The following ATOSA variants were observed in gnomAD, a reference collection of about 807,000 sequenced individuals.
The protein encoded by ATOSA is atos homolog protein A.
the ATOSA span, among the ~76,000 whole-genome samples, chr15:52,661,931 CA>C: frequency 1.4e-3 from 100 of 73,254 alleles, no homozygotes; most frequent in African/African-American, 5.1e-3. Context: ...CAAGCCAGGC[CA>C]AAAAAAAAAA....
At chr15:52,687,049 A>T in the ATOSA span, among the ~76,000 whole-genome samples, 1 of 152,206 alleles carries the variant, frequency 6.6e-6, no homozygotes. Flanking sequence ...AGATACAGAG[A>T]CTAGAAAAGC....
At chr15:52,654,202 A>G in the ATOSA span, among the ~76,000 whole-genome samples, 2 of 152,176 alleles carry the variant, frequency 1.3e-5, no homozygotes, top group African/African-American at 2.4e-5. Context: ...CAGAAAAAAC[A>G]TTAAATGTAT....
At chr15:52,685,698 G>A in the ATOSA span, among the ~76,000 whole-genome samples, 4 of 152,090 alleles carry the variant, frequency 2.6e-5, no homozygotes, top group Middle Eastern at 3.4e-3. Context: ...GCCTCGCAAA[G>A]TGCTGGGATT....
chr15:52,682,852 C>G, the ATOSA span, among the ~76,000 whole-genome samples: 38 of 152,178 alleles, frequency 2.5e-4, no homozygotes, highest in Non-Finnish European at 4.4e-5. Flanking sequence ...AAATTCAGTA[C>G]AGTTAATTTC....
At chr15:52,611,260 G>C in the ATOSA span, 1 of 1,609,730 alleles carries the variant, frequency 6.2e-7, no homozygotes, top group South Asian at 1.1e-5. Flanking sequence ...CCATTCCTAA[G>C]GAAGTAACAA....
chr15:52,584,238 G>A, the ATOSA span, among the ~76,000 whole-genome samples: 7 of 147,366 alleles, frequency 4.8e-5, no homozygotes, highest in African/African-American at 1.0e-4. Context: ...TCCACCTCCC[G>A]GGTTCAAGCA....
the ATOSA span, chr15:52,598,759 C>A: frequency 6.6e-6 from 1 of 152,018 alleles, no homozygotes; most frequent in Non-Finnish European, 1.5e-5. Context: ...GCATATTGTC[C>A]CCTTCAAATC....
the ATOSA span, chr15:52,587,250 A>G: frequency 6.3e-7 from 1 of 1,583,116 alleles, no homozygotes; most frequent in South Asian, 1.1e-5. Flanking sequence ...ATTGAGTACA[A>G]ACTGATGCAT....
At chr15:52,682,447 C>T in the ATOSA span, among the ~76,000 whole-genome samples, 6 of 152,216 alleles carry the variant, frequency 3.9e-5, no homozygotes, top group African/African-American at 1.4e-4. Flanking sequence ...AGAAGACACA[C>T]AGGGAAGATG....
chr15:52,603,704 T>G, the ATOSA span, among the ~76,000 whole-genome samples: 1 of 152,222 alleles, frequency 6.6e-6, no homozygotes, highest in Non-Finnish European at 1.5e-5. Flanking sequence ...AAGGACATTA[T>G]GCTAAGTGAA....
chr15:52,599,446 A>G, the ATOSA span, among the ~76,000 whole-genome samples: 1 of 152,222 alleles, frequency 6.6e-6, no homozygotes, highest in African/African-American at 2.4e-5. Flanking sequence ...AATGGTTAAT[A>G]TATCAAAACA....
the ATOSA span, among the ~76,000 whole-genome samples, chr15:52,603,511 A>G: frequency 6.6e-6 from 1 of 152,224 alleles, no homozygotes; most frequent in East Asian, 1.9e-4. Context: ...GGAAATTAGT[A>G]TATTAAAGAG....
At chr15:52,644,337 A>G in the ATOSA span, among the ~76,000 whole-genome samples, 1 of 152,314 alleles carries the variant, frequency 6.6e-6, no homozygotes, top group South Asian at 2.1e-4. Flanking sequence ...TCTCTGTTTC[A>G]GCTTACATAC....
chr15:52,646,240 C>A, the ATOSA span, among the ~76,000 whole-genome samples: 3 of 152,146 alleles, frequency 2.0e-5, no homozygotes, highest in African/African-American at 7.2e-5. Flanking sequence ...GAAGACAGGT[C>A]TTTTTAATTA....
chr15:52,601,830 G>T, the ATOSA span, among the ~76,000 whole-genome samples: 1 of 151,912 alleles, frequency 6.6e-6, no homozygotes, highest in Non-Finnish European at 1.5e-5. Flanking sequence ...ATGTGTACCT[G>T]ACTCTCTGGT....
the ATOSA span, among the ~76,000 whole-genome samples, chr15:52,620,538 T>A: frequency 6.6e-6 from 1 of 152,222 alleles, no homozygotes; most frequent in African/African-American, 2.4e-5. Context: ...TTATATATGC[T>A]GTTTATTTCT....
chr15:52,659,541 A>G, the ATOSA span, among the ~76,000 whole-genome samples: 1 of 152,230 alleles, frequency 6.6e-6, no homozygotes, highest in African/African-American at 2.4e-5. Context: ...TACTAAATCA[A>G]AACAAGCATC....
chr15:52,583,539 C>T, the ATOSA span, among the ~76,000 whole-genome samples: 1 of 152,156 alleles, frequency 6.6e-6, no homozygotes, highest in Non-Finnish European at 1.5e-5. Flanking sequence ...GTGTCCACCA[C>T]CACGCCTGGC....
chr15:52,676,760 G>A, the ATOSA span, among the ~76,000 whole-genome samples: 1 of 152,154 alleles, frequency 6.6e-6, no homozygotes, highest in African/African-American at 2.4e-5. Flanking sequence ...TTTTAAAACT[G>A]CTTATGACTG....
Sources: gnomAD v4.1 joint callset for allele counts (sites outside exome capture counted in the v4.1 genomes callset) on GRCh38, gnomAD v4.1.1 for gene constraint, MANE v1.5 for transcripts, NCBI Gene and HGNC (gene_info 2026-07-23, HGNC 2026-07-21) for gene names.